The following MAP4K3 variants were observed in gnomAD, a reference collection of about 807,000 sequenced individuals.
The protein encoded by MAP4K3 is MAPK/ERK kinase kinase kinase 3.
Under a neutral mutation model 143.5 loss-of-function variants are expected in MAP4K3, and 94 were observed. That is an observed-to-expected ratio of 0.65 (90% CI 0.55 to 0.78). MAP4K3 has a LOEUF of 0.78. Ranked by LOEUF, MAP4K3 falls within the 30% of genes least tolerant of loss-of-function variation. The probability of loss-of-function intolerance (pLI) is 0.00; values close to 1 mark genes in which losing one functional copy is unlikely to be tolerated. For missense variants in MAP4K3, 1,077 were observed against 1,068.1 expected (o/e 1.01, Z -0.12); for synonymous variants, 416 against 347.2 (o/e 1.20, Z -2.20).
At chr2:39,304,118 ATTC>A (rs1682607847) in intron 15 of MAP4K3, among the ~76,000 whole-genome samples, 1 of 149,946 alleles carries the variant, frequency 6.7e-6, no homozygotes, top group Non-Finnish European at 1.5e-5. Flanking sequence ...ATCAAGCCCT[ATTC>A]TTCTGGCTTC....
chr2:39,402,848 A>G (rs868186845), intron 1 of MAP4K3, among the ~76,000 whole-genome samples: 4 of 152,026 alleles, frequency 2.6e-5, no homozygotes, highest in African/African-American at 9.7e-5. Context: ...AAATTTACCA[A>G]TGTTGGGAAG....
rs943299067 is a variant in MAP4K3 at position 39,302,788 on chromosome 2, G to A, written c.1120-2987C>T. Among the ~76,000 whole-genome samples, 3 of 152,322 alleles carry A rather than the reference G, an allele frequency of 2.0e-5. No homozygotes were observed. In the East Asian group the frequency reaches 5.8e-4, roughly 29 times the overall value. On this transcript the variant is annotated intron_variant, in intron 15 of 33. Coordinates refer to ENST00000263881, the MANE Select transcript of MAP4K3 (RefSeq NM_003618.4). Reference sequence around the variant, plus strand: ...CAGTAGAGTCAAATAAGTAACAGGAGCTGAAAACATGCAATAACCTAGTAT... The same window carrying A: ...CAGTAGAGTCAAATAAGTAACAGGAACTGAAAACATGCAATAACCTAGTAT...
At chr2:39,374,532 A>T (rs1011308658) in intron 2 of MAP4K3, among the ~76,000 whole-genome samples, 1 of 151,882 alleles carries the variant, frequency 6.6e-6, no homozygotes, top group African/African-American at 2.4e-5. Flanking sequence ...AAATACAAAA[A>T]TTAGCCGGGC....
intron 24 of MAP4K3, among the ~76,000 whole-genome samples, chr2:39,277,112 T>C (rs1252641732): frequency 6.6e-6 from 1 of 152,230 alleles, no homozygotes; most frequent in Non-Finnish European, 1.5e-5. Flanking sequence ...TCTAGTCTCA[T>C]CTCTCACCGT....
At chr2:39,309,548 ATTTT>A (rs749101883) in intron 13 of MAP4K3, 29 bp from the exon 14 acceptor site, 1,510 of 338,010 alleles carry the variant, frequency 4.5e-3, no homozygotes, top group East Asian at 9.9e-3. Flanking sequence ...TAAAACCAGG[ATTTT>A]TTTTTTTTTT....
Position 39,309,500 on chromosome 2 carries a change from A to G in MAP4K3, c.1017T>C (p.Asp339=). The change falls in exon 14 of 34, where the codon GAT becomes GAC. Residue 339 remains aspartate (D), a synonymous_variant. Transcript: ENST00000263881. ...SEITFGQVKF[D]PPLRKETEPH... is the part of the protein sequence containing the mutation. Reference sequence around the variant, plus strand: ...GTTCTGTCTCCTTTCTTAAGGGTGGATCAAATTTCACTTGGCCAACTAAAA... The same window carrying G: ...GTTCTGTCTCCTTTCTTAAGGGTGGGTCAAATTTCACTTGGCCAACTAAAA... 1 of 1,590,280 alleles carries G rather than the reference A, an allele frequency of 6.3e-7. No homozygotes were observed. Among genetic ancestry groups the G allele is most frequent in the Non-Finnish European group, 8.5e-7 (1 of 1,170,698 alleles).
chr2:39,415,365 C>T (rs1217129776), intron 1 of MAP4K3, among the ~76,000 whole-genome samples: 1 of 151,914 alleles, frequency 6.6e-6, no homozygotes, highest in East Asian at 1.9e-4. Flanking sequence ...TCCTTTTGCA[C>T]TTATTGGTGC....
intron 24 of MAP4K3, among the ~76,000 whole-genome samples, chr2:39,277,494 T>G (rs1681318043): frequency 1.3e-5 from 2 of 152,186 alleles, no homozygotes; most frequent in Non-Finnish European, 2.9e-5. Context: ...CCCTATTAGA[T>G]CATGAGCTTC....
Position 39,411,606 on chromosome 2 carries a change from A to G in MAP4K3, c.96+25286T>C, listed in dbSNP as rs147962988. 8.0e-3 allele frequency among the ~76,000 whole-genome samples: 1,225 copies of G among 152,362 alleles called. 18 individuals carry two copies. Among genetic ancestry groups the G allele is most frequent in the African/African-American group, 0.028 (1,175 of 41,580 alleles). On this transcript the variant is annotated intron_variant, in intron 1 of 33. Coordinates refer to ENST00000263881, the MANE Select transcript of MAP4K3 (RefSeq NM_003618.4). ...TCCATTTCTCTGATGACCACTGGTG[A>G]GAAAGTGGATGGAACCAGTAAGCTT...
chr2:39,430,074 C>A (rs1405077538), intron 1 of MAP4K3, among the ~76,000 whole-genome samples: 5 of 152,138 alleles, frequency 3.3e-5, no homozygotes, highest in Admixed American at 3.3e-4. Flanking sequence ...TGTTCTCATG[C>A]TGCTAATAAA....
intron 26 of MAP4K3, among the ~76,000 whole-genome samples, chr2:39,268,634 A>ATATTTT (rs1680877515): frequency 2.7e-5 from 2 of 73,772 alleles, no homozygotes; most frequent in Admixed American, 2.3e-4. Context: ...GATTTTTTCT[A>ATATTTT]TTTTTTTTTT....
chr2:39,397,446 CT>C (rs1340686874), intron 1 of MAP4K3, among the ~76,000 whole-genome samples: 1 of 152,034 alleles, frequency 6.6e-6, no homozygotes, highest in Non-Finnish European at 1.5e-5. Flanking sequence ...TTAAAGAAAA[CT>C]TCAAAAACCT....
At chr2:39,333,949 T>TAAA (rs1683770235) in intron 6 of MAP4K3, among the ~76,000 whole-genome samples, 1 of 147,958 alleles carries the variant, frequency 6.8e-6, no homozygotes, top group Admixed American at 7.0e-5. Flanking sequence ...ACTTGATTAT[T>TAAA]GTTTCCCATT....
chr2:39,287,351 T>C (rs1681834899), intron 20 of MAP4K3, among the ~76,000 whole-genome samples: 2 of 151,496 alleles, frequency 1.3e-5, no homozygotes, highest in Admixed American at 1.3e-4. Flanking sequence ...TAGAGTGCAA[T>C]GGCGTGATCT....
chr2:39,422,516 G>A (rs1000833722), intron 1 of MAP4K3, among the ~76,000 whole-genome samples: 1 of 152,016 alleles, frequency 6.6e-6, no homozygotes, highest in African/African-American at 2.4e-5. Context: ...CCAGAACTGA[G>A]AAAATAAATT....
chr2:39,431,559 G>A (rs1045105851), intron 1 of MAP4K3, among the ~76,000 whole-genome samples: 2 of 152,060 alleles, frequency 1.3e-5, no homozygotes, highest in Admixed American at 6.6e-5. Flanking sequence ...AAAGGAGCAG[G>A]CTCATTAAAA....
chr2:39,394,469 C>G (rs1395369095), intron 1 of MAP4K3, among the ~76,000 whole-genome samples: 1 of 152,128 alleles, frequency 6.6e-6, no homozygotes, highest in African/African-American at 2.4e-5. Context: ...ACAAGAGCCA[C>G]ATTATTTTTT....
chr2:39,404,794 T>A (rs891005313), intron 1 of MAP4K3, among the ~76,000 whole-genome samples: 7 of 152,026 alleles, frequency 4.6e-5, no homozygotes. Context: ...GCTAATTTTA[T>A]ACTTTTAGCA....
intron 1 of MAP4K3, among the ~76,000 whole-genome samples, chr2:39,394,682 G>A (rs1165207703): frequency 1.3e-5 from 2 of 151,976 alleles, no homozygotes; most frequent in African/African-American, 4.8e-5. Flanking sequence ...TTGGCCAGAC[G>A]GACAGGAGAA....
Sources: allele counts gnomAD v4.1 joint callset (sites outside exome capture counted in the v4.1 genomes callset), GRCh38; gene constraint gnomAD v4.1.1; transcripts MANE v1.5; gene names NCBI Gene and HGNC (gene_info 2026-07-23, HGNC 2026-07-21).